KAZN: variants seen among roughly 807,000 people sequenced by gnomAD.
The protein encoded by KAZN is kazrin, periplakin interacting protein.
A neutral mutation model predicts 87.4 loss-of-function variants in KAZN; 40 were observed. That is an observed-to-expected ratio of 0.46 (90% CI 0.36 to 0.60). KAZN has a LOEUF of 0.60. Among genes scored for constraint, KAZN ranks in the 20% least tolerant of loss-of-function variants. The pLI is 0.00. For missense variants in KAZN, 898 were observed against 1,073.9 expected (o/e 0.84, Z 2.29); for synonymous variants, 466 against 458.3 (o/e 1.02, Z -0.22).
intron 1 of KAZN, among the ~76,000 whole-genome samples, chr1:14,124,490 C>T (rs1644819704): frequency 6.6e-6 from 1 of 152,232 alleles, no homozygotes; most frequent in African/African-American, 2.4e-5. Flanking sequence ...AGGGATCTTG[C>T]ATTCAGCTTC....
At chr1:14,763,327 G>A (rs1644795527) in intron 1 of KAZN, among the ~76,000 whole-genome samples, 1 of 152,242 alleles carries the variant, frequency 6.6e-6, no homozygotes, top group African/African-American at 2.4e-5. Flanking sequence ...TTCACTGTGT[G>A]TATGGTTTTG....
chr1:14,755,467 G>A lies in KAZN; in HGVS notation c.226+156244G>A, dbSNP rs1015378158. ...AATCTTAAAAGTCAACCTATATGTC[G>A]TGTGGTTGTAGATTTTTTTTAAAGG... On this transcript the variant is annotated intron_variant, in intron 1 of 14. Coordinates refer to ENST00000376030, the MANE Select transcript of KAZN (RefSeq NM_201628.3). 9.2e-5 allele frequency among the ~76,000 whole-genome samples: 14 copies of A among 152,216 alleles called. No homozygotes were observed. The South Asian group carries it at 1.0e-3, about 11-fold the overall frequency.
intron 1 of KAZN, among the ~76,000 whole-genome samples, chr1:14,043,672 A>C (rs1012330696): frequency 2.0e-5 from 3 of 152,228 alleles, no homozygotes; most frequent in African/African-American, 7.2e-5. Context: ...TAGACTTTTC[A>C]AAGGTATGTG....
At chr1:13,920,246 A>G (rs1640013769) in intron 1 of KAZN, among the ~76,000 whole-genome samples, 1 of 148,606 alleles carries the variant, frequency 6.7e-6, no homozygotes, top group Non-Finnish European at 1.5e-5. Context: ...CCTGTCTCAA[A>G]AAAAAAAAAA....
intron 1 of KAZN, among the ~76,000 whole-genome samples, chr1:14,876,328 CATTAGCG>C (rs1652766149): frequency 6.6e-6 from 1 of 152,230 alleles, no homozygotes; most frequent in Non-Finnish European, 1.5e-5. Flanking sequence ...GCCAGAATGA[CATTAGCG>C]ATAGTAGCTG....
intron 13 of KAZN, among the ~76,000 whole-genome samples, chr1:15,110,100 TG>T (rs1641474032): frequency 7.1e-6 from 1 of 141,780 alleles, no homozygotes; most frequent in Non-Finnish European, 1.6e-5. Flanking sequence ...TATGTGTGTA[TG>T]TGCGTATTTG....
At chr1:14,148,558 G>C (rs530553116) in intron 1 of KAZN, among the ~76,000 whole-genome samples, 1 of 151,908 alleles carries the variant, frequency 6.6e-6, no homozygotes, top group East Asian at 1.9e-4. Context: ...TCTTTATTTT[G>C]TTTACATGTT....
intron 8 of KAZN, among the ~76,000 whole-genome samples, chr1:15,085,145 AC>A (rs1242989858): frequency 6.6e-6 from 1 of 152,208 alleles, no homozygotes; most frequent in East Asian, 1.9e-4. Flanking sequence ...GGAAAAAAAG[AC>A]CTAAGGAAAT....
intron 2 of KAZN, among the ~76,000 whole-genome samples, chr1:14,486,901 G>C (rs1004488599): frequency 1.3e-5 from 2 of 152,152 alleles, no homozygotes; most frequent in African/African-American, 4.8e-5. Context: ...TGTAAATTAC[G>C]GGTTCTGTCT....
At chr1:14,415,231 A>G (rs1223919154) in intron 2 of KAZN, among the ~76,000 whole-genome samples, 2 of 152,306 alleles carry the variant, frequency 1.3e-5, no homozygotes, top group Admixed American at 6.5e-5. Context: ...TCATTATAAA[A>G]TATTTTTTTA....
At chr1:14,445,588 AG>A (rs2148321375) in intron 2 of KAZN, among the ~76,000 whole-genome samples, 1 of 152,246 alleles carries the variant, frequency 6.6e-6, no homozygotes, top group African/African-American at 2.4e-5. Context: ...CTGTTGTTGA[AG>A]CCCCCCGACT....
At chr1:14,500,731 C>T (rs1670190664) in intron 2 of KAZN, among the ~76,000 whole-genome samples, 1 of 151,854 alleles carries the variant, frequency 6.6e-6, no homozygotes, top group Admixed American at 6.6e-5. Flanking sequence ...ATGACTTAAA[C>T]CAGGAATGAA....
intron 2 of KAZN, among the ~76,000 whole-genome samples, chr1:14,495,783 G>A (rs918903669): frequency 6.6e-6 from 1 of 152,102 alleles, no homozygotes; most frequent in African/African-American, 2.4e-5. Flanking sequence ...GTAGAGGAGG[G>A]CTTCTCGAAA....
intron 2 of KAZN, among the ~76,000 whole-genome samples, chr1:14,299,586 C>T (rs761137562): frequency 1.4e-4 from 22 of 152,222 alleles, no homozygotes; most frequent in African/African-American, 3.9e-4. Flanking sequence ...ATGCTGTATA[C>T]GAACCATTCT....
At chr1:14,363,162 A>C (rs2100987016) in intron 2 of KAZN, among the ~76,000 whole-genome samples, 1 of 152,226 alleles carries the variant, frequency 6.6e-6, no homozygotes, top group East Asian at 1.9e-4. Context: ...AAAAGTCCTC[A>C]TCATCTTGCT....
chr1:14,595,916 G>C (rs984018634), upstream of KAZN, among the ~76,000 whole-genome samples: 1 of 151,988 alleles, frequency 6.6e-6, no homozygotes, highest in African/African-American at 2.4e-5. Context: ...GGCACCCCAG[G>C]AGTTTCTAAA....
In KAZN at chr1:13,934,208, T is replaced by C. The variant is rs533808792; in HGVS notation, c.91+40452T>C. Among the ~76,000 whole-genome samples, 3 of 152,310 alleles carry C rather than the reference T, an allele frequency of 2.0e-5. No homozygotes were observed. In the South Asian group the frequency reaches 6.2e-4, roughly 32 times the overall value. ...GCAACTGCTGCCTCTCTCTGCCAGA[T>C]AAGTTGCGACAAAGGGTAAAGTGAG... On this transcript the variant is annotated intron_variant, in intron 1 of 16. Coordinates refer to the KAZN transcript ENST00000636203.
At chr1:14,933,047 C>G (rs755627731) in intron 1 of KAZN, among the ~76,000 whole-genome samples, 9 of 152,106 alleles carry the variant, frequency 5.9e-5, no homozygotes, top group African/African-American at 2.2e-4. Context: ...GTTCCAGGTA[C>G]CTCATCTAAG....
At chr1:13,981,087 C>CCA (rs1553181073) in intron 1 of KAZN, among the ~76,000 whole-genome samples, 6 of 8,302 alleles carry the variant, frequency 7.2e-4, no homozygotes, top group Admixed American at 3.4e-3. Context: ...AAAAATTACT[C>CCA]TTTATATATA....
Sources: gnomAD v4.1 joint callset for allele counts (sites outside exome capture counted in the v4.1 genomes callset) on GRCh38, gnomAD v4.1.1 for gene constraint, MANE v1.5 for transcripts, NCBI Gene and HGNC (gene_info 2026-07-23, HGNC 2026-07-21) for gene names.